The following KIF17 variants were observed in gnomAD, a reference collection of about 807,000 sequenced individuals.
KIF17 encodes kinesin family member 17, also known as kinesin-like protein KIF17.
KIF17 carries 80 observed loss-of-function variants against 96.8 expected under a neutral mutation model. That is an observed-to-expected ratio of 0.83 (90% confidence interval 0.69 to 1.00). The LOEUF is 1.00. Ranked by LOEUF, KIF17 falls within the 50% of genes least tolerant of loss-of-function variation. The pLI, the probability that KIF17 is intolerant of heterozygous loss-of-function variation, is 0.00. For missense variants in KIF17, 1,280 were observed against 1,372.9 expected (o/e 0.93, Z 1.07); for synonymous variants, 567 against 587.5 (o/e 0.97, Z 0.51).
chr1:20,709,812 T>C lies in KIF17; in HGVS notation c.497A>G (p.Glu166Gly), dbSNP rs752238928. ...KQKLELKEHPEKGVYVKGLSM... is the reference protein window; with the variant it reads ...KQKLELKEHPGKGVYVKGLSM... Reference sequence around the variant, plus strand: ...CAGCCCCTTCACGTACACGCCCTTCTCTGGGTGCTCCTTCAGCTGAGGGAG... The same window carrying C: ...CAGCCCCTTCACGTACACGCCCTTCCCTGGGTGCTCCTTCAGCTGAGGGAG... The change falls in exon 4 of 15, where the codon GAG (glutamate) becomes GGG (glycine). Residue 166 changes from glutamate to glycine, a missense_variant. Coordinates refer to ENST00000400463, the MANE Select transcript of KIF17 (RefSeq NM_001122819.3). This position sits in a 1 kb window ranked among gnomAD's most constrained non-coding sequence, Gnocchi z 4.7. The C allele has an allele frequency of 6.2e-7, 1 of 1,611,394 alleles. No homozygotes were observed. The highest frequency in any genetic ancestry group is 8.5e-7 in the Non-Finnish European group (1 of 1,178,854).
chr1:20,704,700 C>T lies in KIF17; in HGVS notation c.870G>A (p.Ser290=), dbSNP rs1570473691. ...AGTCCTGCAGCAGCCGCGTCAGCTT[C>T]GAGTCACGGTAGGGGACGTGCTTAC... ...GRCKHVPYRD[S]KLTRLLQDSL... Residue 290 remains serine (S), a synonymous_variant, in exon 5 of 15, where the codon TCG becomes TCA. Transcript: ENST00000400463. This position sits in a 1 kb window ranked among gnomAD's most constrained non-coding sequence, Gnocchi z 6.8. The T allele has an allele frequency of 4.3e-6, 7 of 1,614,106 alleles. No homozygotes were observed. Among genetic ancestry groups the T allele is most frequent in the East Asian group, 2.2e-5 (1 of 44,880 alleles).
chr1:20,717,523 G>C lies in KIF17; in HGVS notation c.184C>G (p.His62Asp). The change falls in exon 1 of 15, where the codon CAC becomes GAC. Residue 62 changes from histidine to aspartate, a missense_variant. Transcript: ENST00000400463. ...FTFDGAYHVD[H>D]VTEQIYNEIA... ...TCGTTGTAGATCTGCTCGGTGACGT[G>C]GTCCACGTGGTAGGCGCCGTCGAAG... is the stretch of plus-strand genomic sequence containing the variant. 6.2e-7 allele frequency: 1 copy of C among 1,611,864 alleles called. No homozygotes were observed.
At chr1:20,662,231 T>C (rs2053446921), downstream of KIF17, among the ~76,000 whole-genome samples, 1 of 152,192 alleles carries the variant, frequency 6.6e-6, no homozygotes, top group Non-Finnish European at 1.5e-5. Flanking sequence ...CATTCAATAA[T>C]GTGGCTCCCA....
chr1:20,684,996 C>A lies in KIF17; in HGVS notation c.2044G>T (p.Ala682Ser). 6.2e-7 allele frequency: 1 copy of A among 1,602,076 alleles called. No individual in the cohort carries two copies. The highest frequency in any genetic ancestry group is 1.7e-5 in the Admixed American group (1 of 58,288). Reference protein sequence around the residue: ...RPEVDLASEVALEVVRTAEPG... With the variant: ...RPEVDLASEVSLEVVRTAEPG... ...TCTGCTGTCCGCACCACCTCTAAGG[C>A]CACTTCCGAGGCCAGATCTACCTCC... The change falls in exon 10 of 15, where the codon GCC becomes TCC. Residue 682 changes from alanine (A) to serine (S), a missense_variant. Physicochemically the swap from Ala to Ser is moderately conservative, Grantham distance 99. Transcript: ENST00000400463.
At chr1:20,692,375 C>G (rs2054054671) in intron 6 of KIF17, among the ~76,000 whole-genome samples, 1 of 151,900 alleles carries the variant, frequency 6.6e-6, no homozygotes, top group Non-Finnish European at 1.5e-5. Context: ...GAGTATCGCT[C>G]TGTCACCTGG....
chr1:20,698,407 A>G lies in KIF17; in HGVS notation c.1205T>C (p.Val402Ala). Residue 402 changes from valine (V) to alanine (A), a missense_variant, in exon 6 of 15, where the codon GTG (valine) becomes GCG (alanine). Coordinates refer to ENST00000400463, the MANE Select transcript of KIF17 (RefSeq NM_001122819.3). ...LLPQPVIQHD[V>A]EAEKQLIREE... is the part of the protein sequence containing the mutation. ...CCGGATCAGCTGCTTCTCGGCCTCC[A>G]CGTCATGCTGGATCACAGGTTGGGG... 6.2e-7 allele frequency: 1 copy of G among 1,613,770 alleles called. No homozygotes were observed. Among genetic ancestry groups the G allele is most frequent in the Non-Finnish European group, 8.5e-7 (1 of 1,179,898 alleles).
chr1:20,706,144 G>A (rs2054337291), intron 4 of KIF17, among the ~76,000 whole-genome samples: 1 of 151,350 alleles, frequency 6.6e-6, no homozygotes, highest in South Asian at 2.1e-4. Context: ...GGCCTCAAGT[G>A]ATCATCCTGC....
intron 13 of KIF17, among the ~76,000 whole-genome samples, chr1:20,670,096 G>A (rs1570431224): frequency 1.3e-5 from 2 of 151,922 alleles, no homozygotes; most frequent in African/African-American, 4.8e-5. Flanking sequence ...TTGGTCTGAG[G>A]ATTACCAGCA....
At chr1:20,714,811 A>AAC (rs1421513923) in intron 2 of KIF17, among the ~76,000 whole-genome samples, 12 of 151,842 alleles carry the variant, frequency 7.9e-5, no homozygotes, top group Non-Finnish European at 1.8e-4. Flanking sequence ...AAAAAAAAAA[A>AAC]AAAACACCTG....
chr1:20,708,417 C>A (rs918541026), intron 4 of KIF17, among the ~76,000 whole-genome samples: 2 of 152,200 alleles, frequency 1.3e-5, no homozygotes, highest in Non-Finnish European at 2.9e-5. Flanking sequence ...CCTCAGCCTC[C>A]CAAGTAGCTG....
chr1:20,676,943 G>C (rs1395131855), intron 11 of KIF17, among the ~76,000 whole-genome samples: 2 of 152,174 alleles, frequency 1.3e-5, no homozygotes, highest in African/African-American at 4.8e-5. Flanking sequence ...GTATGCAGTG[G>C]CTCATGCCTG....
At position 20,712,860 on chromosome 1, in the gene KIF17, A is replaced by AT. The variant is rs1443069352; in HGVS notation, c.480+593dup. On this transcript the variant is annotated intron_variant, in intron 3 of 14. Transcript: ENST00000400463. ...ATTATAGATATAGATAATATTATCT[A>AT]TATTATAGATATTATCTATATATAA... Among the ~76,000 whole-genome samples, 328 of 65,526 alleles carry AT rather than the reference A, an allele frequency of 5.0e-3. 35 individuals carry two copies. The highest frequency in any genetic ancestry group is 0.017 in the African/African-American group (306 of 18,454). The allele number at this position is 65,526 out of a possible 152,430, so 43.0% of individuals were successfully genotyped here.
chr1:20,687,558 G>A lies in KIF17; in HGVS notation c.1768C>T (p.Leu590=), dbSNP rs896454556. Residue 590 remains leucine, a synonymous_variant, in exon 8 of 15, where the codon CTG becomes TTG. Transcript: ENST00000400463. The surrounding 1 kb of genome is among the most constrained non-coding windows in gnomAD (Gnocchi z 4.4). ...CLGQEAAGHL[L]GEQNYLPQEE... The stretch of plus-strand genomic sequence containing the variant: ...TGCGGGAGGTAGTTCTGTTCCCCCA[G>A]CAGGTGCCCAGCGGCCTCCTGCCCG... The A allele has an allele frequency of 1.2e-6, 2 of 1,613,718 alleles. No individual in the cohort carries two copies. Among genetic ancestry groups the A allele is most frequent in the African/African-American group, 1.3e-5 (1 of 74,908 alleles).
Position 20,704,912 on chromosome 1 carries a change from C to G in KIF17, c.671-13G>C. On this transcript the variant is annotated splice_polypyrimidine_tract_variant and intron_variant, in intron 4 of 14. Coordinates refer to ENST00000400463, the MANE Select transcript of KIF17 (RefSeq NM_001122819.3). The surrounding 1 kb of genome is among the most constrained non-coding windows in gnomAD (Gnocchi z 6.8). ...TTGCCCCGCTCATCTGCACACAGAC[C>G]AGGCAAAGTGGCGAGGGCCTCGGGT... The G allele has an allele frequency of 1.9e-6, 3 of 1,598,800 alleles. No homozygotes were observed. The highest frequency in any genetic ancestry group is 1.7e-5 in the Admixed American group (1 of 59,990).
chr1:20,714,171 C>T lies in KIF17; in HGVS notation c.379-616G>A, dbSNP rs891581096. On this transcript the variant is annotated intron_variant, in intron 2 of 14. Coordinates refer to ENST00000400463, the MANE Select transcript of KIF17 (RefSeq NM_001122819.3). ...TGAAACCCTGTCGCTACTAAAAATA[C>T]AAAAAATTAGCCAGGCATGGTGGTG... is the stretch of plus-strand genomic sequence containing the variant. 5.9e-5 allele frequency among the ~76,000 whole-genome samples: 9 copies of T among 152,234 alleles called. No homozygotes were observed. The Middle Eastern group carries it at 0.01, about 173-fold the overall frequency.
At position 20,672,178 on chromosome 1, in the gene KIF17, C is replaced by T. The variant is rs2053660005; in HGVS notation, c.2482G>A (p.Glu828Lys). Residue 828 changes from glutamate to lysine, a missense_variant, in exon 12 of 15, where the codon GAG becomes AAG. Transcript: ENST00000400463. This position sits in a 1 kb window ranked among gnomAD's most constrained non-coding sequence, Gnocchi z 4.3. ...AACTCGGACTGCAGATCTTTGATCT[C>T]CACCTCTGCTGCCCGAAGCTGAAAG... ...MQRKLRAAEVEIKDLQSEFQL... is the reference protein window; with the variant it reads ...MQRKLRAAEVKIKDLQSEFQL... 1.2e-6 allele frequency: 2 copies of T among 1,614,004 alleles called. No individual in the cohort carries two copies. Among genetic ancestry groups the T allele is most frequent in the Non-Finnish European group, 1.7e-6 (2 of 1,180,032 alleles).
At chr1:20,669,296 G>A (rs1289842549) in intron 13 of KIF17, among the ~76,000 whole-genome samples, 1 of 151,938 alleles carries the variant, frequency 6.6e-6, no homozygotes, top group Non-Finnish European at 1.5e-5. Context: ...CCAGCACTTT[G>A]GAAGGCTGAA....
At chr1:20,717,012 G>C (rs933650458) in intron 1 of KIF17, among the ~76,000 whole-genome samples, 1 of 152,170 alleles carries the variant, frequency 6.6e-6, no homozygotes, top group African/African-American at 2.4e-5. Context: ...AACAGGGCTA[G>C]GTGTGCCCCA....
chr1:20,701,055 C>T (rs760135332), intron 5 of KIF17, among the ~76,000 whole-genome samples: 12 of 152,180 alleles, frequency 7.9e-5, no homozygotes, highest in South Asian at 2.1e-4. Context: ...TGCCTGACCC[C>T]GGGTTTCCAG....
Sources: gnomAD v4.1 joint callset for allele counts (sites outside exome capture counted in the v4.1 genomes callset) on GRCh38, gnomAD v4.1.1 for gene constraint, Gnocchi (gnomAD v3.1) non-coding constraint, MANE v1.5 for transcripts, NCBI Gene and HGNC (gene_info 2026-07-23, HGNC 2026-07-21) for gene names.